Variants in ZNF165 observed in about 807,000 individuals in gnomAD.
The protein encoded by ZNF165 is zinc finger protein 165.
ZNF165 carries 14 observed loss-of-function variants against 19.6 expected under a neutral mutation model. The observed-to-expected ratio is 0.71, with a 90% CI of 0.47 to 1.12. ZNF165 has a LOEUF of 1.12. Ranked by LOEUF, ZNF165 falls within the 50% of genes most tolerant of loss-of-function variation. The pLI, the probability that ZNF165 is intolerant of heterozygous loss-of-function variation, is 0.00. For synonymous variants in ZNF165, 165 were observed against 195.0 expected, an observed-to-expected ratio of 0.85 and a Z score of 1.28; for missense variants, 504 against 566.3, an observed-to-expected ratio of 0.89 and a Z score of 1.12.
In ZNF165 at chr6:28,088,928, G is replaced by A; in HGVS notation, c.916G>A (p.Asp306Asn). 6.2e-7 allele frequency: 1 copy of A among 1,614,086 alleles called. No homozygotes were observed. The highest frequency in any genetic ancestry group is 8.5e-7 in the Non-Finnish European group (1 of 1,180,022). Residue 306 changes from aspartate to asparagine, a missense_variant, in exon 4 of 4, where the codon GAT (aspartate) becomes AAT (asparagine). By Grantham distance (23) the Asp-to-Asn change is conservative. Transcript: ENST00000683778. ...TGACCAGAGCTTCAAATGGAACTCA[G>A]ATTTTATTAACCATCAAATAATTTA... is the stretch of plus-strand genomic sequence containing the variant. The part of the protein sequence containing the change: ...TCDQSFKWNS[D>N]FINHQIIYAG...
Position 28,089,290 on chromosome 6 carries a change from AC to A in ZNF165, c.1281del (p.Tyr428ThrfsTer12). 3 of 1,614,122 alleles carry A rather than the reference AC, an allele frequency of 1.9e-6. No homozygotes were observed. The highest frequency in any genetic ancestry group is 2.5e-6 in the Non-Finnish European group (3 of 1,180,010). ...RHQRIHTREKPYECSECGKTF... is the reference protein window; with the variant it reads ...RHQRIHTREKXYECSECGKTF... ...ATCAGAGAATTCACACCAGAGAGAA[AC>A]CCTACGAGTGTAGTGAATGTGGGAA... On this transcript the variant is annotated frameshift_variant, in exon 4 of 4. Transcript: ENST00000683778. LOFTEE classifies it low-confidence loss of function (END_TRUNC).
intron 3 of ZNF165, among the ~76,000 whole-genome samples, chr6:28,086,564 C>T (rs2113686414): frequency 6.6e-6 from 1 of 152,264 alleles, no homozygotes; most frequent in Non-Finnish European, 1.5e-5. Context: ...ACTAAAAATA[C>T]AAAAAATTAG....
chr6:28,088,845 G>A lies in ZNF165; in HGVS notation c.833G>A (p.Arg278Lys), dbSNP rs773097218. Residue 278 changes from arginine to lysine, a missense_variant, in exon 4 of 4, where the codon AGA becomes AAA. Coordinates refer to ENST00000683778, the MANE Select transcript of ZNF165 (RefSeq NM_001376491.1). Reference protein sequence around the residue: ...EIISHDGCERRLNLNSNEFTH... With the variant: ...EIISHDGCERKLNLNSNEFTH... Reference sequence around the variant, plus strand: ...ATAAGCCACGATGGATGTGAGAGGAGATTAAATCTGAACTCAAATGAATTC... The same window carrying A: ...ATAAGCCACGATGGATGTGAGAGGAAATTAAATCTGAACTCAAATGAATTC... 6.2e-7 allele frequency: 1 copy of A among 1,614,190 alleles called. No individual in the cohort carries two copies. Among genetic ancestry groups the A allele is most frequent in the East Asian group, 2.2e-5 (1 of 44,886 alleles).
upstream of ZNF165, among the ~76,000 whole-genome samples, chr6:28,080,395 T>C (rs1008086100): frequency 2.0e-5 from 3 of 152,118 alleles, no homozygotes; most frequent in Admixed American, 6.5e-5. Context: ...CTTCTTTTTC[T>C]GAGACTGAGT....
chr6:28,088,423 C>T (rs1385057991), intron 3 of ZNF165, 140 bp from the exon 4 acceptor site: 2 of 706,986 alleles, frequency 2.8e-6, no homozygotes, highest in African/African-American at 1.8e-5. Context: ...TCCTATCATC[C>T]TCTTTCATTC....
At position 28,085,671 on chromosome 6, in the gene ZNF165, G is replaced by T; in HGVS notation, c.191G>T (p.Arg64Leu). Reference sequence around the variant, plus strand: ...TGCTACCAGGATTCTCCTGGACCTCGCGAGGCACTGAGCCGCCTCCGGGAG... The same window carrying T: ...TGCTACCAGGATTCTCCTGGACCTCTCGAGGCACTGAGCCGCCTCCGGGAG... ...QFCYQDSPGPREALSRLRELC... is the reference protein window; with the variant it reads ...QFCYQDSPGPLEALSRLRELC... The change falls in exon 2 of 4, where the codon CGC becomes CTC. Residue 64 changes from arginine (R) to leucine (L), a missense_variant. Physicochemically the swap from Arg to Leu is moderately radical, Grantham distance 102. Transcript: ENST00000683778. 6.2e-7 allele frequency: 1 copy of T among 1,614,128 alleles called. No homozygotes were observed. The highest frequency in any genetic ancestry group is 1.7e-5 in the Admixed American group (1 of 60,018).
At chr6:28,082,708 TGTTCATGGCCAGTTTTGGGGCCA>T (rs2113682360) in intron 1 of ZNF165, among the ~76,000 whole-genome samples, 1 of 152,378 alleles carries the variant, frequency 6.6e-6, no homozygotes, top group South Asian at 2.1e-4. Flanking sequence ...GCAGAGATTT[TGTTCATGGCCAGTTTTGGGGCCA>T]GTTTATGGCC....
intron 3 of ZNF165, among the ~76,000 whole-genome samples, chr6:28,087,324 C>CAA (rs1229402782): frequency 1.3e-5 from 2 of 152,198 alleles, no homozygotes; most frequent in Non-Finnish European, 2.9e-5. Context: ...CAGCTCACTG[C>CAA]AACCTCCACC....
At position 28,088,917 on chromosome 6, in the gene ZNF165, A is replaced by G; in HGVS notation, c.905A>G (p.Lys302Arg). Residue 302 changes from lysine to arginine, a missense_variant, in exon 4 of 4, where the codon AAA becomes AGA. Transcript: ENST00000683778. ...CKHGTCDQSF[K>R]WNSDFINHQI... The stretch of plus-strand genomic sequence containing the variant: ...CATGGTACCTGTGACCAGAGCTTCA[A>G]ATGGAACTCAGATTTTATTAACCAT... 6.2e-7 allele frequency: 1 copy of G among 1,614,218 alleles called. No individual in the cohort carries two copies. The highest frequency in any genetic ancestry group is 8.5e-7 in the Non-Finnish European group (1 of 1,180,044).
At chr6:28,086,928 A>G (rs751246466) in intron 3 of ZNF165, among the ~76,000 whole-genome samples, 2 of 152,224 alleles carry the variant, frequency 1.3e-5, no homozygotes, top group African/African-American at 2.4e-5. Context: ...CAGAAGCAAA[A>G]TATGTTCATA....
rs1359340369 is a variant in ZNF165 at position 28,085,753 on chromosome 6, G to A, written c.273G>A (p.Leu91=). 6 of 1,613,674 alleles carry A rather than the reference G, an allele frequency of 3.7e-6. No individual in the cohort carries two copies. The East Asian group carries it at 1.1e-4, about 30-fold the overall frequency. Reference sequence around the variant, plus strand: ...ATACCAAGGAACAGATTCTGGAACTGCTGGTGCTAGAGCAGTTCCTGACCA... The same window carrying A: ...ATACCAAGGAACAGATTCTGGAACTACTGGTGCTAGAGCAGTTCCTGACCA... ...EIHTKEQILE[L]LVLEQFLTIL... The change falls in exon 2 of 4, where the codon CTG becomes CTA. Residue 91 remains leucine (L), a synonymous_variant. Transcript: ENST00000683778.
At chr6:28,086,625 C>T (rs1764283216) in intron 3 of ZNF165, among the ~76,000 whole-genome samples, 1 of 152,022 alleles carries the variant, frequency 6.6e-6, no homozygotes, top group South Asian at 2.1e-4. Context: ...AGGAGAATGG[C>T]GTGAACCTGG....
At chr6:28,085,923 A>G in intron 2 of ZNF165, 32 bp downstream of exon 2, 2 of 1,594,834 alleles carry the variant, frequency 1.3e-6, no homozygotes, top group Non-Finnish European at 8.5e-7. Context: ...TAAGACCTCC[A>G]TAATGGATAA....
chr6:28,088,419 C>T (rs1246859213), intron 3 of ZNF165, 144 bp from the exon 4 acceptor site: 1 of 698,396 alleles, frequency 1.4e-6, no homozygotes, highest in South Asian at 2.2e-5. Context: ...TCATTCCTAT[C>T]ATCCTCTTTC....
chr6:28,086,217 T>G lies in ZNF165; in HGVS notation c.457T>G (p.Ser153Ala). 1 of 1,614,158 alleles carries G rather than the reference T, an allele frequency of 6.2e-7. No individual in the cohort carries two copies. The highest frequency in any genetic ancestry group is 8.5e-7 in the Non-Finnish European group (1 of 1,180,016). ...ACAAGAAATATTCCAGAAAAAAGTG[T>G]CACCTCCTGGACCAGCACTTAATGT... ...HGQEIFQKKV[S>A]PPGPALNVKL... Residue 153 changes from serine (S) to alanine (A), a missense_variant, in exon 3 of 4, where the codon TCA (serine) becomes GCA (alanine). Transcript: ENST00000683778.
Position 28,088,730 on chromosome 6 carries a change from G to C in ZNF165, c.718G>C (p.Glu240Gln), listed in dbSNP as rs750683592. ...CAGGGTAAAGAGACAATGGGAAAAA[G>C]AATCAGGGGAGTCTCAGAGACTCTC... The part of the protein sequence containing the change: ...AGRVKRQWEK[E>Q]SGESQRLSSA... Residue 240 changes from glutamate to glutamine, a missense_variant, in exon 4 of 4, where the codon GAA (glutamate) becomes CAA (glutamine). Coordinates refer to ENST00000683778, the MANE Select transcript of ZNF165 (RefSeq NM_001376491.1). 1.2e-6 allele frequency: 2 copies of C among 1,614,144 alleles called. No homozygotes were observed. The highest frequency in any genetic ancestry group is 2.2e-5 in the South Asian group (2 of 91,074).
intron 3 of ZNF165, among the ~76,000 whole-genome samples, chr6:28,087,615 A>T (rs1764307317): frequency 6.6e-6 from 1 of 152,190 alleles, no homozygotes; most frequent in Non-Finnish European, 1.5e-5. Context: ...CATCTGTCGT[A>T]TATAAAATTG....
chr6:28,085,851 T>C lies in ZNF165; in HGVS notation c.371T>C (p.Leu124Pro), dbSNP rs957383052. ...AGTGGAGAGGAGGCAGTGACCATACTAGAAGATTTGGAGAGAGGCACTGAT... is the reference window on the plus strand; with the variant it reads ...AGTGGAGAGGAGGCAGTGACCATACCAGAAGATTTGGAGAGAGGCACTGAT... ...PESGEEAVTI[L>P]EDLERGTDEA... is the part of the protein sequence containing the mutation. Residue 124 changes from leucine (L) to proline (P), a missense_variant, in exon 2 of 4, where the codon CTA becomes CCA. By Grantham distance (98) the Leu-to-Pro change is moderately conservative. Coordinates refer to ENST00000683778, the MANE Select transcript of ZNF165 (RefSeq NM_001376491.1). 2 of 1,612,942 alleles carry C rather than the reference T, an allele frequency of 1.2e-6. No individual in the cohort carries two copies. The highest frequency in any genetic ancestry group is 1.7e-6 in the Non-Finnish European group (2 of 1,179,994).
chr6:28,085,367 A>T (rs1472033391), intron 1 of ZNF165, 114 bp from the exon 2 acceptor site: 3 of 1,093,100 alleles, frequency 2.7e-6, no homozygotes, highest in Non-Finnish European at 3.9e-6. Context: ...GATTTTTATT[A>T]TGTGGTCTTT....
Sources: gnomAD v4.1 joint callset for allele counts (sites outside exome capture counted in the v4.1 genomes callset) on GRCh38, gnomAD v4.1.1 for gene constraint, MANE v1.5 for transcripts, NCBI Gene and HGNC (gene_info 2026-07-23, HGNC 2026-07-21) for gene names.